The following CEP112 variants were observed in gnomAD, a reference collection of about 807,000 sequenced individuals.
CEP112 encodes centrosomal protein 112.
CEP112 carries 127 observed loss-of-function variants against 153.0 expected under a neutral mutation model. The ratio of observed to expected loss-of-function variants is 0.83; its 90% confidence interval spans 0.72 to 0.96. CEP112 has a LOEUF of 0.96. Among genes scored for constraint, CEP112 ranks in the 40% least tolerant of loss-of-function variants. The probability of loss-of-function intolerance (pLI) is 0.00; values close to 1 mark genes in which losing one functional copy is unlikely to be tolerated. For synonymous variants in CEP112, 358 were observed against 374.4 expected, an observed-to-expected ratio of 0.96 and a Z score of 0.51; for missense variants, 1,089 against 1,101.2, an observed-to-expected ratio of 0.99 and a Z score of 0.16.
intron 23 of CEP112, among the ~76,000 whole-genome samples, chr17:65,722,282 T>C (rs2049931451): frequency 6.6e-6 from 1 of 151,724 alleles, no homozygotes. Flanking sequence ...AGAGTCTCCC[T>C]TTGTTGCCCA....
chr17:65,854,089 C>A (rs969067802), intron 20 of CEP112, among the ~76,000 whole-genome samples: 1 of 152,164 alleles, frequency 6.6e-6, no homozygotes, highest in Non-Finnish European at 1.5e-5. Flanking sequence ...AGCAATGCAA[C>A]ATTTCCCAAA....
intron 21 of CEP112, among the ~76,000 whole-genome samples, chr17:65,809,923 C>T (rs954478040): frequency 6.6e-6 from 1 of 152,064 alleles, no homozygotes; most frequent in Non-Finnish European, 1.5e-5. Context: ...AGGAGAAATT[C>T]CTGGAGACCA....
In CEP112 at chr17:66,084,805, C is replaced by T. The variant is rs577496696; in HGVS notation, c.768+11446G>A. 1.4e-4 allele frequency among the ~76,000 whole-genome samples: 22 copies of T among 152,124 alleles called. No homozygotes were observed. In the South Asian group the frequency reaches 4.4e-3, roughly 30 times the overall value. On this transcript the variant is annotated intron_variant, in intron 8 of 26. Coordinates refer to ENST00000535342, the MANE Select transcript of CEP112 (RefSeq NM_001199165.4). ...AATTTAATTGTACATTTTAAAACAA[C>T]TAAATGAGTATAGATTGTTTGTAAC... is the stretch of plus-strand genomic sequence containing the variant.
rs553522684 is a variant in CEP112 at position 66,083,289 on chromosome 17, T to A, written c.768+12962A>T. Reference sequence around the variant, plus strand: ...CTCTCTTGCCTGCCACCATGTAAGATGTGCTTTTGCTCCTCTTTTGCCTTC... The same window carrying A: ...CTCTCTTGCCTGCCACCATGTAAGAAGTGCTTTTGCTCCTCTTTTGCCTTC... On this transcript the variant is annotated intron_variant, in intron 8 of 26. Coordinates refer to ENST00000535342, the MANE Select transcript of CEP112 (RefSeq NM_001199165.4). Among the ~76,000 whole-genome samples, 3 of 152,278 alleles carry A rather than the reference T, an allele frequency of 2.0e-5. No homozygotes were observed. The East Asian group carries it at 5.8e-4, about 29-fold the overall frequency.
At chr17:65,680,938 G>A (rs570200644) in intron 24 of CEP112, among the ~76,000 whole-genome samples, 14 of 152,130 alleles carry the variant, frequency 9.2e-5, no homozygotes, top group African/African-American at 2.2e-4. Context: ...GAAACTGCCC[G>A]CCATGATCCA....
chr17:66,136,483 C>G (rs914461405), intron 4 of CEP112, among the ~76,000 whole-genome samples: 1 of 151,480 alleles, frequency 6.6e-6, no homozygotes, highest in Non-Finnish European at 1.5e-5. Context: ...ACCCCTGGCT[C>G]AGCACAATTA....
intron 6 of CEP112, among the ~76,000 whole-genome samples, chr17:66,122,134 T>C (rs555470842): frequency 9.2e-5 from 14 of 152,320 alleles, no homozygotes; most frequent in African/African-American, 2.9e-4. Context: ...GACCTCGTGA[T>C]CCGCCCACCT....
intron 6 of CEP112, among the ~76,000 whole-genome samples, chr17:66,099,329 C>T (rs1470804961): frequency 6.6e-6 from 1 of 151,862 alleles, no homozygotes; most frequent in African/African-American, 2.4e-5. Flanking sequence ...CATGGTGAAA[C>T]CCCGTCTCTA....
chr17:65,966,074 T>G (rs1344299980), intron 17 of CEP112, among the ~76,000 whole-genome samples: 1 of 151,998 alleles, frequency 6.6e-6, no homozygotes, highest in Admixed American at 6.5e-5. Flanking sequence ...TGGGGCCAAG[T>G]AGAAACGCAT....
intron 20 of CEP112, among the ~76,000 whole-genome samples, chr17:65,901,662 C>A (rs958716712): frequency 6.6e-6 from 1 of 151,950 alleles, no homozygotes; most frequent in Admixed American, 6.6e-5. Context: ...TCTCTGGAGT[C>A]ATTTTTATCA....
At chr17:65,782,054 C>T (rs986539168) in intron 21 of CEP112, among the ~76,000 whole-genome samples, 1 of 152,060 alleles carries the variant, frequency 6.6e-6, no homozygotes, top group African/African-American at 2.4e-5. Context: ...TAACTACCAA[C>T]AGAGTAAACA....
chr17:65,826,414 A>C (rs765058484), intron 21 of CEP112: 12 of 1,571,558 alleles, frequency 7.6e-6, no homozygotes, highest in Non-Finnish European at 8.5e-6. Flanking sequence ...CCCTCCCCTG[A>C]TAGAAAGGTG....
chr17:66,169,019 T>C (rs1297819732), intron 4 of CEP112, among the ~76,000 whole-genome samples: 1 of 152,174 alleles, frequency 6.6e-6, no homozygotes, highest in Non-Finnish European at 1.5e-5. Context: ...ATGTCTGTCA[T>C]CGTATAATGT....
intron 14 of CEP112, among the ~76,000 whole-genome samples, chr17:66,028,766 G>A (rs2065333734): frequency 6.6e-6 from 1 of 151,804 alleles, no homozygotes; most frequent in South Asian, 2.1e-4. Context: ...ATTATAAAAT[G>A]AAAGCAGAAC....
chr17:65,859,300 C>T (rs750511418), intron 20 of CEP112, among the ~76,000 whole-genome samples: 5 of 151,398 alleles, frequency 3.3e-5, no homozygotes, highest in African/African-American at 4.9e-5. Flanking sequence ...AGTAGCTGGG[C>T]GGGGTGGCAG....
At chr17:65,675,334 C>G (rs2047174260) in intron 24 of CEP112, among the ~76,000 whole-genome samples, 1 of 152,154 alleles carries the variant, frequency 6.6e-6, no homozygotes, top group African/African-American at 2.4e-5. Flanking sequence ...GTGAACTCCA[C>G]CACCTATATT....
chr17:65,981,579 G>T (rs369679279), intron 17 of CEP112, among the ~76,000 whole-genome samples: 8,297 of 145,934 alleles, frequency 0.057, 311 homozygotes, highest in South Asian at 0.11. Context: ...TGATTTTTTT[G>T]TTTGTTTGTT....
chr17:66,027,384 A>AG, intron 16 of CEP112, 117 bp downstream of exon 16: 1 of 1,012,376 alleles, frequency 9.9e-7, no homozygotes, highest in South Asian at 1.8e-5. Context: ...CTAAAAAAAA[A>AG]GACAAAGAAA....
chr17:65,839,271 C>A (rs1259089068), intron 21 of CEP112, among the ~76,000 whole-genome samples: 1 of 152,032 alleles, frequency 6.6e-6, no homozygotes, highest in African/African-American at 2.4e-5. Context: ...AACATACTAG[C>A]AAACTGAATT....
Sources: gnomAD v4.1 joint callset for allele counts (sites outside exome capture counted in the v4.1 genomes callset) on GRCh38, gnomAD v4.1.1 for gene constraint, MANE v1.5 for transcripts, NCBI Gene and HGNC (gene_info 2026-07-23, HGNC 2026-07-21) for gene names.